VAT1L: variants seen among roughly 807,000 people sequenced by gnomAD.
VAT1L encodes the protein putative NADPH-dependent quinone oxidoreductase VAT1L.
VAT1L carries 34 observed loss-of-function variants against 44.1 expected under a neutral mutation model. That is an observed-to-expected ratio of 0.77 (90% CI 0.59 to 1.03). The LOEUF is 1.03. Ranked by LOEUF, VAT1L falls within the 50% of genes least tolerant of loss-of-function variation. The pLI is 0.00. For missense variants in VAT1L, 615 were observed against 538.8 expected (o/e 1.14, Z -1.40); for synonymous variants, 253 against 202.2 (o/e 1.25, Z -2.13).
chr16:77,794,463 A>C (rs1185300520), intron 1 of VAT1L, among the ~76,000 whole-genome samples: 1 of 152,066 alleles, frequency 6.6e-6, no homozygotes, highest in Non-Finnish European at 1.5e-5. Flanking sequence ...TGAACCACTA[A>C]AGATATTGGA....
chr16:77,880,386 C>T (rs2017138319), intron 6 of VAT1L, among the ~76,000 whole-genome samples: 1 of 151,956 alleles, frequency 6.6e-6, no homozygotes, highest in South Asian at 2.1e-4. Flanking sequence ...TTTTGAATTC[C>T]CGGGCTCAAG....
At chr16:77,921,860 C>T (rs1006737312) in intron 7 of VAT1L, among the ~76,000 whole-genome samples, 23 of 134,552 alleles carry the variant, frequency 1.7e-4, no homozygotes, top group Middle Eastern at 3.4e-3. Flanking sequence ...CCTCCCACCT[C>T]AGCCTCCCGA....
intron 1 of VAT1L, among the ~76,000 whole-genome samples, chr16:77,797,243 C>A (rs1350622413): frequency 6.6e-6 from 1 of 151,970 alleles, no homozygotes; most frequent in Non-Finnish European, 1.5e-5. Context: ...TCCTAAGTAG[C>A]TGGGATTACA....
intron 3 of VAT1L, among the ~76,000 whole-genome samples, chr16:77,828,686 A>G (rs1307246906): frequency 2.0e-5 from 3 of 151,848 alleles, no homozygotes; most frequent in African/African-American, 4.8e-5. Context: ...AAATAAAAAT[A>G]AAAAAGGTGG....
intron 1 of VAT1L, among the ~76,000 whole-genome samples, chr16:77,795,436 G>C (rs1174771293): frequency 1.3e-5 from 2 of 152,150 alleles, no homozygotes; most frequent in Non-Finnish European, 2.9e-5. Context: ...TAGCTAAAAT[G>C]TGCCATTTAG....
chr16:77,949,391 G>A (rs551842151), intron 7 of VAT1L, among the ~76,000 whole-genome samples: 3 of 152,270 alleles, frequency 2.0e-5, no homozygotes, highest in Middle Eastern at 6.8e-3. Flanking sequence ...GGCATCCTAT[G>A]CTGGGGCATC....
chr16:77,822,666 G>C (rs929418230), intron 2 of VAT1L, among the ~76,000 whole-genome samples: 1 of 152,212 alleles, frequency 6.6e-6, no homozygotes, highest in Non-Finnish European at 1.5e-5. Flanking sequence ...TTTATGCCAG[G>C]CTACCCAAGG....
At chr16:77,849,315 G>T (rs532724435) in intron 3 of VAT1L, among the ~76,000 whole-genome samples, 1 of 152,320 alleles carries the variant, frequency 6.6e-6, no homozygotes, top group African/African-American at 2.4e-5. Context: ...AAGGAACAGG[G>T]CGTTGCATTA....
chr16:77,855,687 C>T (rs1023906292), intron 3 of VAT1L, among the ~76,000 whole-genome samples: 1 of 152,120 alleles, frequency 6.6e-6, no homozygotes, highest in Non-Finnish European at 1.5e-5. Context: ...ATAAATAACT[C>T]GTTTATATTT....
At chr16:77,833,293 G>A (rs2016600590) in intron 3 of VAT1L, among the ~76,000 whole-genome samples, 2 of 152,174 alleles carry the variant, frequency 1.3e-5, no homozygotes, top group Admixed American at 1.3e-4. Context: ...TGCTACACCA[G>A]GGAGATACAA....
At chr16:77,824,244 T>C (rs2145245132) in intron 2 of VAT1L, among the ~76,000 whole-genome samples, 1 of 152,292 alleles carries the variant, frequency 6.6e-6, no homozygotes, top group South Asian at 2.1e-4. Context: ...CCCAGGACTT[T>C]CACTACCACC....
chr16:77,908,116 G>A (rs1185865627), intron 7 of VAT1L, among the ~76,000 whole-genome samples: 1 of 151,980 alleles, frequency 6.6e-6, no homozygotes, highest in African/African-American at 2.4e-5. Flanking sequence ...GCGGACGCCT[G>A]TAGTCCCAGC....
At chr16:77,831,381 T>C (rs1248701103) in intron 3 of VAT1L, among the ~76,000 whole-genome samples, 1 of 152,184 alleles carries the variant, frequency 6.6e-6, no homozygotes, top group Non-Finnish European at 1.5e-5. Flanking sequence ...ACTGGGTACC[T>C]ATCAGTGGCT....
At chr16:77,954,356 G>T (rs939058049) in intron 7 of VAT1L, among the ~76,000 whole-genome samples, 1 of 152,230 alleles carries the variant, frequency 6.6e-6, no homozygotes, top group African/African-American at 2.4e-5. Context: ...GCCGGGCGCG[G>T]TGGCTCACGC....
At chr16:77,824,001 A>G (rs1480640109) in intron 2 of VAT1L, among the ~76,000 whole-genome samples, 1 of 152,136 alleles carries the variant, frequency 6.6e-6, no homozygotes, top group Non-Finnish European at 1.5e-5. Flanking sequence ...CCAGCCTGGG[A>G]AACAAGAGCG....
chr16:77,975,321 T>C (rs962491261), intron 8 of VAT1L, among the ~76,000 whole-genome samples: 3 of 146,866 alleles, frequency 2.0e-5, no homozygotes, highest in East Asian at 2.1e-4. Context: ...GTAATTCTCA[T>C]GCCACAGCCT....
chr16:77,788,930 C>T lies in VAT1L; in HGVS notation c.233+15C>T, dbSNP rs1321933147. On this transcript the variant is annotated intron_variant, in intron 1 of 8. Transcript: ENST00000302536. ...GTCAAAGCCTGGTCCAGTATCCGCG[C>T]CTTTCTCGCTTTCTCTCTTTTTGCG... 2.7e-6 allele frequency: 4 copies of T among 1,462,322 alleles called. No homozygotes were observed. In the East Asian group the frequency reaches 1.0e-4, roughly 37 times the overall value. 90.6% of individuals were successfully genotyped at this position (1,462,322 alleles called of 1,614,324 possible).
chr16:77,846,438 C>T (rs552753710), intron 3 of VAT1L, among the ~76,000 whole-genome samples: 3 of 152,288 alleles, frequency 2.0e-5, no homozygotes, highest in South Asian at 4.1e-4. Flanking sequence ...CTGCCGTATA[C>T]TGATGAAAGA....
At chr16:77,959,046 G>A (rs894883033) in intron 7 of VAT1L, among the ~76,000 whole-genome samples, 4 of 152,144 alleles carry the variant, frequency 2.6e-5, no homozygotes, top group Non-Finnish European at 5.9e-5. Flanking sequence ...GTAAGGCAGC[G>A]CTCACTTTCA....
Sources: gnomAD v4.1 joint callset for allele counts (sites outside exome capture counted in the v4.1 genomes callset) on GRCh38, gnomAD v4.1.1 for gene constraint, MANE v1.5 for transcripts, NCBI Gene and HGNC (gene_info 2026-07-23, HGNC 2026-07-21) for gene names.